The following SDK1 variants were observed in gnomAD, a reference collection of about 807,000 sequenced individuals.
SDK1 encodes the protein protein sidekick-1.
SDK1 carries 157 observed loss-of-function variants against 245.5 expected under a neutral mutation model. The ratio of observed to expected loss-of-function variants is 0.64; its 90% CI spans 0.56 to 0.73. The LOEUF (loss-of-function observed/expected upper bound fraction) is 0.73, where lower values mean the gene tolerates loss of function less well. SDK1 is among the 30% of genes least tolerant of loss of function. SDK1 has a pLI of 0.00. For missense variants in SDK1, 3,583 were observed against 3,002.3 expected, an observed-to-expected ratio of 1.19 and a Z score of -4.52; for synonymous variants, 1,647 against 1,278.5, an observed-to-expected ratio of 1.29 and a Z score of -6.15.
intron 4 of SDK1, among the ~76,000 whole-genome samples, chr7:3,655,802 C>G (rs780375859): frequency 2.6e-5 from 4 of 151,820 alleles, no homozygotes; most frequent in South Asian, 2.1e-4. Context: ...ACTCAGAAAA[C>G]AGGTTTCAGT....
chr7:3,741,924 C>G (rs1224829661), intron 4 of SDK1, among the ~76,000 whole-genome samples: 1 of 150,750 alleles, frequency 6.6e-6, no homozygotes, highest in Non-Finnish European at 1.5e-5. Context: ...GGTATCTTGA[C>G]CATAAGCCCA....
At chr7:3,848,120 G>A (rs1161730142) in intron 5 of SDK1, among the ~76,000 whole-genome samples, 1 of 152,166 alleles carries the variant, frequency 6.6e-6, no homozygotes, top group Admixed American at 6.5e-5. Flanking sequence ...ATCTCGAGCT[G>A]TTATGATGAT....
At chr7:3,904,602 G>C (rs1781898921) in intron 5 of SDK1, among the ~76,000 whole-genome samples, 2 of 152,266 alleles carry the variant, frequency 1.3e-5, no homozygotes, top group South Asian at 4.1e-4. Context: ...GGCTGATGTG[G>C]AGGATGGCTT....
At chr7:3,664,099 T>C (rs1562640707) in intron 4 of SDK1, among the ~76,000 whole-genome samples, 1 of 152,162 alleles carries the variant, frequency 6.6e-6, no homozygotes, top group Non-Finnish European at 1.5e-5. Context: ...GAAACACACC[T>C]GTTGGAATTA....
intron 1 of SDK1, among the ~76,000 whole-genome samples, chr7:3,534,148 A>G (rs1444702593): frequency 1.3e-5 from 2 of 152,218 alleles, no homozygotes; most frequent in African/African-American, 2.4e-5. Context: ...GAAATCATGC[A>G]GTATTTGTTC....
intron 1 of SDK1, among the ~76,000 whole-genome samples, chr7:3,581,309 G>A (rs935783452): frequency 4.4e-4 from 67 of 152,102 alleles, no homozygotes; most frequent in African/African-American, 1.6e-3. Flanking sequence ...CTAAACAGAT[G>A]CTAATCACTA....
intron 1 of SDK1, among the ~76,000 whole-genome samples, chr7:3,321,778 C>CTCCTTCCT (rs1186428883): frequency 0.069 from 3,465 of 50,264 alleles, 195 homozygotes; most frequent in East Asian, 0.14. Context: ...TTCCTTCCTT[C>CTCCTTCCT]TCCTTCCTTC....
In SDK1 at chr7:3,967,337, C is replaced by G. The variant is rs138535480; in HGVS notation, c.1449C>G (p.Thr483=). The G allele has an allele frequency of 5.0e-6, 8 of 1,613,862 alleles. No homozygotes were observed. Among genetic ancestry groups the G allele is most frequent in the Non-Finnish European group, 6.8e-6 (8 of 1,179,762 alleles). Residue 483 remains threonine, a synonymous_variant, in exon 10 of 45, where the codon ACC becomes ACG. Transcript: ENST00000404826. ...TCTCAGATATCGCTCCAGTGTTCACCCAGCGGCCAGTGGACACCACAGTTA... is the reference window on the plus strand; with the variant it reads ...TCTCAGATATCGCTCCAGTGTTCACGCAGCGGCCAGTGGACACCACAGTTA... The part of the protein sequence containing the change: ...LDVTNIAPVF[T]QRPVDTTVTD...
At chr7:3,922,650 T>C (rs1013032694) in intron 5 of SDK1, among the ~76,000 whole-genome samples, 18 of 152,250 alleles carry the variant, frequency 1.2e-4, no homozygotes, top group African/African-American at 4.3e-4. Context: ...TTCTTTTCTT[T>C]AGATTGATAT....
intron 7 of SDK1, among the ~76,000 whole-genome samples, chr7:3,952,359 A>G (rs893282361): frequency 6.6e-6 from 1 of 152,174 alleles, no homozygotes; most frequent in African/African-American, 2.4e-5. Context: ...TGGGCGGATC[A>G]CTTGAGGCCA....
chr7:3,524,657 G>C (rs542935399), intron 1 of SDK1, among the ~76,000 whole-genome samples: 1 of 152,240 alleles, frequency 6.6e-6, no homozygotes, highest in South Asian at 2.1e-4. Context: ...CACTGAGATG[G>C]GGAAACTGAG....
intron 4 of SDK1, among the ~76,000 whole-genome samples, chr7:3,742,830 A>T (rs188966172): frequency 6.6e-5 from 10 of 152,336 alleles, no homozygotes; most frequent in Admixed American, 2.6e-4. Flanking sequence ...TTTTGGATAG[A>T]GGTCGAATGG....
rs1783574270 is a variant in SDK1 at position 4,196,327 on chromosome 7, G to C, written c.5099-9552G>C. On this transcript the variant is annotated intron_variant, in intron 35 of 44. Transcript: ENST00000404826. ...ACCTTGCAGGAGCTCCTCCGGGCTG[G>C]GTCCCCACACCCTGTGCACTCCCTA... Among the ~76,000 whole-genome samples the C allele has an allele frequency of 2.6e-5, 4 of 152,130 alleles. No homozygotes were observed. In the South Asian group the frequency reaches 8.3e-4, roughly 32 times the overall value.
intron 16 of SDK1, among the ~76,000 whole-genome samples, chr7:4,016,332 C>G (rs1786398141): frequency 6.6e-6 from 1 of 152,246 alleles, no homozygotes; most frequent in Non-Finnish European, 1.5e-5. Context: ...AGGGCAGTCA[C>G]TCCTACTGGG....
chr7:3,743,056 C>G (rs1176702340), intron 4 of SDK1, among the ~76,000 whole-genome samples: 2 of 152,144 alleles, frequency 1.3e-5, no homozygotes, highest in South Asian at 2.1e-4. Flanking sequence ...ACGGAACTTT[C>G]CTGGAGCAAT....
intron 1 of SDK1, among the ~76,000 whole-genome samples, chr7:3,536,207 C>T (rs1778882257): frequency 1.3e-5 from 2 of 150,186 alleles, no homozygotes; most frequent in South Asian, 2.1e-4. Context: ...CAGGCGCCCG[C>T]CACCACACCC....
At chr7:3,964,386 C>A (rs1177646433) in intron 9 of SDK1, among the ~76,000 whole-genome samples, 2 of 152,220 alleles carry the variant, frequency 1.3e-5, no homozygotes, top group African/African-American at 4.8e-5. Context: ...GAAAAAACTC[C>A]CTTATTTTCT....
At chr7:3,935,517 C>T (rs989485487) in intron 5 of SDK1, among the ~76,000 whole-genome samples, 1 of 152,066 alleles carries the variant, frequency 6.6e-6, no homozygotes, top group African/African-American at 2.4e-5. Flanking sequence ...ACACAGAATT[C>T]CTACAACTCA....
chr7:3,793,269 C>G (rs1778863201), intron 4 of SDK1, among the ~76,000 whole-genome samples: 1 of 152,120 alleles, frequency 6.6e-6, no homozygotes. Flanking sequence ...GTCAATGATT[C>G]ATTTACTCAG....
Sources: allele counts gnomAD v4.1 joint callset (sites outside exome capture counted in the v4.1 genomes callset), GRCh38; gene constraint gnomAD v4.1.1; transcripts MANE v1.5; gene names NCBI Gene and HGNC (gene_info 2026-07-23, HGNC 2026-07-21).